CFH: variants seen among roughly 807,000 people sequenced by gnomAD.
CFH encodes the protein complement factor H, also known as H factor 1 (complement).
Under a neutral mutation model 147.3 loss-of-function variants are expected in CFH, and 53 were observed. That is an observed-to-expected ratio of 0.36 (90% CI 0.29 to 0.45). The LOEUF (loss-of-function observed/expected upper bound fraction) is 0.45. Among genes scored for constraint, CFH ranks in the 20% least tolerant of loss-of-function variants. The probability of loss-of-function intolerance (pLI) is 1.00; values close to 1 mark genes in which losing one functional copy is unlikely to be tolerated. For synonymous variants in CFH, 536 were observed against 489.4 expected (o/e 1.10, Z -1.26); for missense variants, 1,380 against 1,498.0 (o/e 0.92, Z 1.30).
chr1:196,709,190 C>T (rs1668667669), intron 9 of CFH, among the ~76,000 whole-genome samples: 1 of 152,140 alleles, frequency 6.6e-6, no homozygotes, highest in South Asian at 2.1e-4. Context: ...GACCCTATGT[C>T]TGAATAGTTT....
At chr1:196,654,188 A>T (rs1666598761) in intron 1 of CFH, among the ~76,000 whole-genome samples, 1 of 152,132 alleles carries the variant, frequency 6.6e-6, no homozygotes, top group Non-Finnish European at 1.5e-5. Context: ...TAGTTTGAAT[A>T]CTATCACAAT....
At chr1:196,694,725 G>A (rs878877075) in intron 9 of CFH, among the ~76,000 whole-genome samples, 4 of 152,144 alleles carry the variant, frequency 2.6e-5, no homozygotes, top group Admixed American at 2.6e-4. Flanking sequence ...TTCTCATTGT[G>A]GTTTTGATTT....
intron 9 of CFH, among the ~76,000 whole-genome samples, chr1:196,696,928 G>T (rs752455197): frequency 6.6e-6 from 1 of 152,178 alleles, no homozygotes; most frequent in Admixed American, 6.5e-5. Flanking sequence ...TTAATAAATG[G>T]TGCTGGGAAA....
At chr1:196,666,442 C>T (rs149720320) in intron 1 of CFH, among the ~76,000 whole-genome samples, 60 of 151,756 alleles carry the variant, frequency 4.0e-4, no homozygotes, top group African/African-American at 1.3e-3. Flanking sequence ...TTGTTTATTT[C>T]AAATCATATT....
At chr1:196,667,906 A>T (rs1667151908) in intron 1 of CFH, among the ~76,000 whole-genome samples, 1 of 152,182 alleles carries the variant, frequency 6.6e-6, no homozygotes, top group South Asian at 2.1e-4. Flanking sequence ...TTTATTCTAA[A>T]TTAATATTTT....
intron 9 of CFH, among the ~76,000 whole-genome samples, chr1:196,709,303 A>T (rs866083822): frequency 2.6e-4 from 40 of 152,226 alleles, no homozygotes; most frequent in African/African-American, 9.6e-4. Flanking sequence ...AATTTACATG[A>T]TTCAATTAAA....
intron 3 of CFH, among the ~76,000 whole-genome samples, chr1:196,674,294 A>T (rs1667383301): frequency 6.6e-6 from 1 of 152,222 alleles, no homozygotes; most frequent in Non-Finnish European, 1.5e-5. Flanking sequence ...TGTGTCAGGA[A>T]CAATAGGAAT....
intron 12 of CFH, 25 bp downstream of exon 12, chr1:196,725,322 G>A: frequency 6.2e-7 from 1 of 1,609,480 alleles, no homozygotes; most frequent in Non-Finnish European, 8.5e-7. Flanking sequence ...TACAATTGCT[G>A]AAATAAGAAT....
At chr1:196,732,363 T>C (rs752194801) in intron 15 of CFH, among the ~76,000 whole-genome samples, 4 of 152,034 alleles carry the variant, frequency 2.6e-5, no homozygotes, top group Non-Finnish European at 4.4e-5. Context: ...TCTACCTCTT[T>C]GTTGAAGTAG....
intron 9 of CFH, among the ~76,000 whole-genome samples, chr1:196,695,039 T>C (rs1668203936): frequency 6.6e-6 from 1 of 152,234 alleles, no homozygotes; most frequent in Non-Finnish European, 1.5e-5. Flanking sequence ...TTGGCCTTTG[T>C]TGCCATTGCT....
intron 9 of CFH, among the ~76,000 whole-genome samples, chr1:196,706,431 G>GC (rs1668590303): frequency 6.6e-6 from 1 of 152,114 alleles, no homozygotes; most frequent in African/African-American, 2.4e-5. Flanking sequence ...GGCAGAGCAG[G>GC]CCACTAAAGA....
intron 9 of CFH, chr1:196,700,856 T>A (rs1573042079): frequency 1.0e-6 from 1 of 985,308 alleles, no homozygotes. Flanking sequence ...CACAACCTTG[T>A]CTGCAGCAGA....
chr1:196,743,429 C>T, intron 19 of CFH, 23 bp from the exon 20 acceptor site: 1 of 1,613,804 alleles, frequency 6.2e-7, no homozygotes, highest in East Asian at 2.2e-5. Context: ...CTAGGTGGAA[C>T]CACTTCTTTT....
At chr1:196,661,695 G>A (rs1056165664) in intron 1 of CFH, among the ~76,000 whole-genome samples, 2 of 152,162 alleles carry the variant, frequency 1.3e-5, no homozygotes, top group South Asian at 2.1e-4. Context: ...TAAATTGGGG[G>A]TTGTGGGGAG....
At chr1:196,741,846 G>A (rs56191748) in intron 18 of CFH, 29 bp from the exon 19 acceptor site, 57 of 1,606,554 alleles carry the variant, frequency 3.5e-5, no homozygotes, top group East Asian at 1.6e-4. Flanking sequence ...AAAGATTTGC[G>A]GAACAAATAC....
chr1:196,724,094 G>T (rs767185362), intron 11 of CFH, among the ~76,000 whole-genome samples: 3 of 152,060 alleles, frequency 2.0e-5, no homozygotes, highest in Non-Finnish European at 4.4e-5. Context: ...CTTGCACACA[G>T]GAAAGTGAAT....
chr1:196,733,407 A>G (rs1669326314), intron 15 of CFH, among the ~76,000 whole-genome samples: 1 of 151,956 alleles, frequency 6.6e-6, no homozygotes, highest in African/African-American at 2.4e-5. Flanking sequence ...ATCTATGGAG[A>G]CTGGTATTTT....
At chr1:196,660,933 C>A (rs1414387727) in intron 1 of CFH, among the ~76,000 whole-genome samples, 4 of 152,220 alleles carry the variant, frequency 2.6e-5, no homozygotes, top group East Asian at 3.9e-4. Context: ...AGGAAGTGAG[C>A]GGGCTAAACT....
Position 196,665,286 on chromosome 1 carries a change from A to G in CFH, c.59-7692A>G, listed in dbSNP as rs374333899. ...TTTAATTAACAAAGTTTTAATGTGT[A>G]TATGTTCTGTTTGCAAATTGCTTTA... is the stretch of plus-strand genomic sequence containing the variant. On this transcript the variant is annotated intron_variant, in intron 1 of 21. Transcript: ENST00000367429. Among the ~76,000 whole-genome samples, 22 of 151,220 alleles carry G rather than the reference A, an allele frequency of 1.5e-4. 1 individual carries two copies. In the South Asian group the frequency reaches 4.6e-3, roughly 31 times the overall value.
Sources: allele counts gnomAD v4.1 joint callset (sites outside exome capture counted in the v4.1 genomes callset), GRCh38; gene constraint gnomAD v4.1.1; transcripts MANE v1.5; gene names NCBI Gene and HGNC (gene_info 2026-07-23, HGNC 2026-07-21).